PCSK2: variants seen among roughly 807,000 people sequenced by gnomAD.
PCSK2 encodes proprotein convertase subtilisin/kexin type 2.
In PCSK2, 14 loss-of-function variants were observed where a neutral mutation model predicts 69.7. The observed-to-expected ratio is 0.20, with a 90% CI of 0.13 to 0.31. The LOEUF is 0.31. PCSK2 is among the 10% of genes least tolerant of loss of function. The pLI, the probability that PCSK2 is intolerant of heterozygous loss-of-function variation, is 1.00. For synonymous variants in PCSK2, 307 were observed against 320.7 expected (o/e 0.96, Z 0.46); for missense variants, 544 against 842.5 (o/e 0.65, Z 4.39).
intron 1 of PCSK2, among the ~76,000 whole-genome samples, chr20:17,252,597 G>A (rs1412103229): frequency 6.6e-6 from 1 of 152,186 alleles, no homozygotes; most frequent in Non-Finnish European, 1.5e-5. Flanking sequence ...GCGCTGTTAC[G>A]AGGAAGAGCG....
chr20:17,346,907 C>T (rs1990668332), intron 2 of PCSK2, among the ~76,000 whole-genome samples: 1 of 152,178 alleles, frequency 6.6e-6, no homozygotes, highest in Admixed American at 6.5e-5. Flanking sequence ...GCTGCCTTGG[C>T]ACCTCGCTCC....
chr20:17,415,500 A>G (rs2031978928), intron 6 of PCSK2, among the ~76,000 whole-genome samples: 1 of 152,230 alleles, frequency 6.6e-6, no homozygotes, highest in Non-Finnish European at 1.5e-5. Context: ...GACCTCTTCA[A>G]GGAGAACAAT....
At chr20:17,402,380 T>C (rs1201958566) in intron 5 of PCSK2, among the ~76,000 whole-genome samples, 4 of 152,156 alleles carry the variant, frequency 2.6e-5, no homozygotes, top group African/African-American at 9.7e-5. Context: ...CTCTGGTAAA[T>C]ACTGGCCAGG....
At chr20:17,337,433 G>A (rs150964695) in intron 2 of PCSK2, among the ~76,000 whole-genome samples, 8 of 152,294 alleles carry the variant, frequency 5.3e-5, no homozygotes, top group African/African-American at 1.7e-4. Context: ...CTCTGCCCTT[G>A]GAGCACATTT....
At chr20:17,241,262 G>T (rs1986560852) in intron 1 of PCSK2, among the ~76,000 whole-genome samples, 1 of 152,188 alleles carries the variant, frequency 6.6e-6, no homozygotes, top group Non-Finnish European at 1.5e-5. Context: ...GCAATGAAAT[G>T]GGCACGGTTT....
chr20:17,274,891 G>T (rs1988003650), intron 2 of PCSK2, among the ~76,000 whole-genome samples: 1 of 151,982 alleles, frequency 6.6e-6, no homozygotes, highest in African/African-American at 2.4e-5. Flanking sequence ...ACATTAAAAT[G>T]AACCCCAAGA....
intron 8 of PCSK2, among the ~76,000 whole-genome samples, chr20:17,438,795 G>A (rs1258645936): frequency 6.6e-6 from 1 of 152,256 alleles, no homozygotes; most frequent in Non-Finnish European, 1.5e-5. Context: ...GCAGGAGCCT[G>A]TTTGCCTCCA....
At chr20:17,424,429 A>G (rs2032200678) in intron 6 of PCSK2, among the ~76,000 whole-genome samples, 1 of 152,198 alleles carries the variant, frequency 6.6e-6, no homozygotes, top group Admixed American at 6.5e-5. Flanking sequence ...AGGGGAAGGA[A>G]TGGCATCAGA....
At chr20:17,260,139 C>G (rs921546332) in intron 1 of PCSK2, 101 bp from the exon 2 acceptor site, 18 of 751,000 alleles carry the variant, frequency 2.4e-5, no homozygotes, top group Non-Finnish European at 4.1e-5. Flanking sequence ...GCATACTTCC[C>G]TACCCCATGG....
At chr20:17,336,012 G>A (rs1028078690) in intron 2 of PCSK2, among the ~76,000 whole-genome samples, 3 of 152,054 alleles carry the variant, frequency 2.0e-5, no homozygotes, top group Admixed American at 6.6e-5. Flanking sequence ...ATCAGTGGTT[G>A]AATCAGTCAC....
At chr20:17,413,450 T>C (rs1178095188) in intron 6 of PCSK2, among the ~76,000 whole-genome samples, 1 of 152,078 alleles carries the variant, frequency 6.6e-6, no homozygotes, top group Non-Finnish European at 1.5e-5. Flanking sequence ...CATTACATAA[T>C]GGTAAAGGGA....
At chr20:17,481,153 G>A (rs1185414481) in intron 11 of PCSK2, among the ~76,000 whole-genome samples, 2 of 151,996 alleles carry the variant, frequency 1.3e-5, no homozygotes, top group African/African-American at 4.8e-5. Flanking sequence ...GGCCAAGGCA[G>A]CTGGATCACT....
chr20:17,419,195 A>T (rs2032068565), intron 6 of PCSK2, among the ~76,000 whole-genome samples: 1 of 152,210 alleles, frequency 6.6e-6, no homozygotes, highest in Non-Finnish European at 1.5e-5. Context: ...AGGAAAACAA[A>T]CTTCATACAT....
chr20:17,379,319 T>C (rs939590610), intron 5 of PCSK2, among the ~76,000 whole-genome samples: 2 of 152,214 alleles, frequency 1.3e-5, no homozygotes, highest in Admixed American at 6.5e-5. Context: ...CACACCTACA[T>C]GGGATCATTG....
chr20:17,470,673 G>A (rs997591246), intron 11 of PCSK2, among the ~76,000 whole-genome samples: 3 of 152,202 alleles, frequency 2.0e-5, no homozygotes, highest in African/African-American at 4.8e-5. Context: ...ATCACAGGAG[G>A]TTGGCATCCC....
At chr20:17,420,508 A>G (rs2032099128) in intron 6 of PCSK2, among the ~76,000 whole-genome samples, 2 of 152,210 alleles carry the variant, frequency 1.3e-5, no homozygotes, top group African/African-American at 4.8e-5. Flanking sequence ...CTAGTCCCCT[A>G]CCTGGATTAG....
intron 11 of PCSK2, among the ~76,000 whole-genome samples, chr20:17,473,605 C>T (rs1464438990): frequency 6.6e-6 from 1 of 152,138 alleles, no homozygotes; most frequent in Non-Finnish European, 1.5e-5. Flanking sequence ...ATGTTTCATT[C>T]CTTTTCTTCT....
intron 5 of PCSK2, among the ~76,000 whole-genome samples, chr20:17,375,337 G>A (rs377529019): frequency 1.2e-4 from 19 of 152,116 alleles, no homozygotes; most frequent in African/African-American, 4.6e-4. Context: ...GCAAAGTTAA[G>A]GGCAAAAATC....
intron 4 of PCSK2, among the ~76,000 whole-genome samples, chr20:17,364,669 G>A (rs1300973513): frequency 1.3e-5 from 2 of 152,176 alleles, no homozygotes; most frequent in Non-Finnish European, 2.9e-5. Context: ...ATCTGGGGGA[G>A]GACACAGCCA....
Sources: allele counts gnomAD v4.1 joint callset (sites outside exome capture counted in the v4.1 genomes callset), GRCh38; gene constraint gnomAD v4.1.1; transcripts MANE v1.5; gene names NCBI Gene and HGNC (gene_info 2026-07-23, HGNC 2026-07-21).